Variants in DGCR8 observed in about 807,000 individuals in gnomAD.
The protein encoded by DGCR8 is microprocessor complex subunit DGCR8.
DGCR8 carries 14 observed loss-of-function variants against 78.5 expected under a neutral mutation model. The observed-to-expected ratio is 0.18, with a 90% CI of 0.12 to 0.28. The LOEUF is 0.28. Ranked by LOEUF, DGCR8 falls within the 10% of genes least tolerant of loss-of-function variation. The pLI, the probability that DGCR8 is intolerant of heterozygous loss-of-function variation, is 1.00. For missense variants in DGCR8, 702 were observed against 1,022.5 expected (o/e 0.69, Z 4.28); for synonymous variants, 399 against 402.4 (o/e 0.99, Z 0.10).
At position 20,080,270 on chromosome 22, in the gene DGCR8, C is replaced by A; in HGVS notation, c.-391C>A. 1.0e-6 allele frequency: 1 copy of A among 980,312 alleles called. No homozygotes were observed. Among genetic ancestry groups the A allele is most frequent in the Non-Finnish European group, 1.2e-6 (1 of 827,478 alleles). 60.7% of individuals were successfully genotyped at this position (980,312 alleles called of 1,614,324 possible). A position where few individuals can be genotyped will look rare whatever the true frequency, so the allele number is the denominator to read the frequency against. The stretch of plus-strand genomic sequence containing the variant: ...GCTCGCCCGGCGCGGCAGGCGGGTG[C>A]CGGCGACCGGAGAGCCTGGACAGGC... On this transcript the variant is annotated 5_prime_UTR_variant, in exon 1 of 14. Transcript: ENST00000351989.
chr22:20,097,839 A>G (rs1414977534), intron 9 of DGCR8, among the ~76,000 whole-genome samples: 1 of 136,898 alleles, frequency 7.3e-6, no homozygotes, highest in South Asian at 2.2e-4. Context: ...TTTTAATTAT[A>G]TATATAGGGT....
At chr22:20,082,112 A>G (rs1360333478) in intron 1 of DGCR8, among the ~76,000 whole-genome samples, 1 of 148,516 alleles carries the variant, frequency 6.7e-6, no homozygotes, top group Non-Finnish European at 1.5e-5. Flanking sequence ...ACTGGAGTGC[A>G]GTGGCGTGAT....
intron 13 of DGCR8, among the ~76,000 whole-genome samples, chr22:20,109,430 G>A (rs182565772): frequency 1.3e-5 from 2 of 152,168 alleles, no homozygotes; most frequent in Non-Finnish European, 2.9e-5. Context: ...TTCAGGCATC[G>A]TCTGCCTGGC....
At chr22:20,088,797 T>G (rs1014474501) in intron 3 of DGCR8, among the ~76,000 whole-genome samples, 5 of 152,136 alleles carry the variant, frequency 3.3e-5, no homozygotes, top group African/African-American at 1.2e-4. Flanking sequence ...TTTGCTTTCT[T>G]CTGTTTTTTA....
Position 20,094,780 on chromosome 22 carries a change from C to T in DGCR8, c.1773C>T (p.Asp591=), listed in dbSNP as rs2049608388. Reference sequence around the variant, plus strand: ...AGACCTCTGAAGAGAAGCCCAAAGACAGTGAAGAACTCGAGGTGAGTGTTG... The same window carrying T: ...AGACCTCTGAAGAGAAGCCCAAAGATAGTGAAGAACTCGAGGTGAGTGTTG... ...VKQTSEEKPK[D]SEELEYFNHI... The change falls in exon 9 of 14, where the codon GAC becomes GAT. Residue 591 remains aspartate, a synonymous_variant. Coordinates refer to ENST00000351989, the MANE Select transcript of DGCR8 (RefSeq NM_022720.7). 3.7e-6 allele frequency: 6 copies of T among 1,613,956 alleles called. No homozygotes were observed. The South Asian group carries it at 4.4e-5, about 12-fold the overall frequency.
At chr22:20,082,249 G>A (rs1337310118) in intron 1 of DGCR8, among the ~76,000 whole-genome samples, 1 of 151,558 alleles carries the variant, frequency 6.6e-6, no homozygotes, top group Non-Finnish European at 1.5e-5. Flanking sequence ...TAGTAGAGAC[G>A]GGGTTTCACC....
chr22:20,096,922 G>A (rs2049635110), intron 9 of DGCR8, among the ~76,000 whole-genome samples: 1 of 152,088 alleles, frequency 6.6e-6, no homozygotes, highest in Non-Finnish European at 1.5e-5. Context: ...CTTCTATTCA[G>A]ATGATCATGT....
At position 20,086,618 on chromosome 22, in the gene DGCR8, T is replaced by C; in HGVS notation, c.655T>C (p.Phe219Leu). 6.2e-7 allele frequency: 1 copy of C among 1,611,820 alleles called. No individual in the cohort carries two copies. The highest frequency in any genetic ancestry group is 2.2e-5 in the East Asian group (1 of 44,848). Residue 219 changes from phenylalanine to leucine, a missense_variant, in exon 2 of 14, where the codon TTC becomes CTC. Phe to Leu is a conservative substitution (Grantham distance 22, BLOSUM62 0). Coordinates refer to ENST00000351989, the MANE Select transcript of DGCR8 (RefSeq NM_022720.7). The surrounding 1 kb of genome is among the most constrained non-coding windows in gnomAD (Gnocchi z 6.4). ...GCTAGATGAAGAAGGAGCAGGCGGG[T>C]TCACGGCTAAAGCAATCGTTCAGAG... Reference protein sequence around the residue: ...LELDEEGAGGFTAKAIVQRDR... With the variant: ...LELDEEGAGGLTAKAIVQRDR...
At chr22:20,109,096 T>C in intron 13 of DGCR8, 93 bp downstream of exon 13, 1 of 709,010 alleles carries the variant, frequency 1.4e-6, no homozygotes, top group Non-Finnish European at 2.6e-6. Flanking sequence ...GTGCCTGAGC[T>C]GACACCTTGG....
chr22:20,107,838 C>T (rs951012730), intron 12 of DGCR8: 3 of 189,976 alleles, frequency 1.6e-5, no homozygotes, highest in African/African-American at 4.6e-5. Flanking sequence ...ATATGTGTAC[C>T]ATCTGTCTTG....
In DGCR8 at chr22:20,091,561, C is replaced by G. The variant is rs149336675; in HGVS notation, c.1433C>G (p.Ser478Cys). 2.3e-4 allele frequency: 370 copies of G among 1,614,116 alleles called. 1 individual carries two copies. Among genetic ancestry groups the G allele is most frequent in the Non-Finnish European group, 2.9e-4 (341 of 1,180,056 alleles). The change falls in exon 6 of 14, where the codon TCC (serine) becomes TGC (cysteine). Residue 478 changes from serine to cysteine, a missense_variant. Physicochemically the swap from Ser to Cys is moderately radical, Grantham distance 112. Coordinates refer to ENST00000351989, the MANE Select transcript of DGCR8 (RefSeq NM_022720.7). ...NREMKRKQAE[S>C]ERPILPANQK... ...GAAATGAAGCGGAAGCAGGCGGAGT[C>G]CGAGAGGCCCATCTTGCCAGCCAAT...
At chr22:20,101,189 A>G in intron 9 of DGCR8, 1 of 985,016 alleles carries the variant, frequency 1.0e-6, no homozygotes, top group Non-Finnish European at 1.2e-6. Flanking sequence ...AACCTGAGAG[A>G]AGACCGTGTG....
chr22:20,094,819 C>T (rs1187163519), intron 9 of DGCR8, 24 bp downstream of exon 9: 3 of 1,608,344 alleles, frequency 1.9e-6, no homozygotes, highest in South Asian at 1.1e-5. Context: ...TCCTGCCCTG[C>T]TGGGAGCTGT....
intron 10 of DGCR8, 23 bp downstream of exon 10, chr22:20,106,300 C>A (rs374414348): frequency 5.3e-5 from 84 of 1,589,750 alleles, no homozygotes; most frequent in Admixed American, 2.3e-4. Flanking sequence ...GGTGCCTCCC[C>A]CCATGAGTCA....
In DGCR8 at chr22:20,108,949, C is replaced by T. The variant is rs749253548; in HGVS notation, c.2184C>T (p.Asn728=). 8 of 1,611,590 alleles carry T rather than the reference C, an allele frequency of 5.0e-6. No homozygotes were observed. Among genetic ancestry groups the T allele is most frequent in the Non-Finnish European group, 5.1e-6 (6 of 1,178,018 alleles). The change falls in exon 13 of 14, where the codon AAC becomes AAT. Residue 728 remains asparagine (N), a synonymous_variant. Coordinates refer to ENST00000351989, the MANE Select transcript of DGCR8 (RefSeq NM_022720.7). The stretch of plus-strand genomic sequence containing the variant: ...AGTATGCCAAGAAGAACAAGCCCAA[C>T]CTGCACATCCTCAGCAAGCTCCAAG... The part of the protein sequence containing the change: ...LQQYAKKNKP[N]LHILSKLQEE...
chr22:20,082,880 G>A (rs2049434012), intron 1 of DGCR8, among the ~76,000 whole-genome samples: 1 of 151,590 alleles, frequency 6.6e-6, no homozygotes, highest in African/African-American at 2.4e-5. Flanking sequence ...GGTTGCCACT[G>A]CTATCCTGGA....
At chr22:20,094,821 G>A (rs766572914) in intron 9 of DGCR8, 26 bp downstream of exon 9, 1 of 1,607,344 alleles carries the variant, frequency 6.2e-7, no homozygotes, top group South Asian at 1.1e-5. Flanking sequence ...CTGCCCTGCT[G>A]GGAGCTGTGT....
At chr22:20,104,745 C>T (rs2049749721) in intron 9 of DGCR8, among the ~76,000 whole-genome samples, 1 of 152,228 alleles carries the variant, frequency 6.6e-6, no homozygotes, top group African/African-American at 2.4e-5. Flanking sequence ...AAGACAGTAG[C>T]CAAGCCATAC....
chr22:20,101,761 G>A (rs1171560102), intron 9 of DGCR8: 27 of 985,136 alleles, frequency 2.7e-5, no homozygotes, highest in Admixed American at 6.2e-5. Flanking sequence ...TTGTGTCCCC[G>A]CCCCCTGCTC....
Sources: allele counts gnomAD v4.1 joint callset (sites outside exome capture counted in the v4.1 genomes callset), GRCh38; gene constraint gnomAD v4.1.1; non-coding constraint Gnocchi (gnomAD v3.1); transcripts MANE v1.5; gene names NCBI Gene and HGNC (gene_info 2026-07-23, HGNC 2026-07-21).